The following GLT8D2 variants were observed in gnomAD, a reference collection of about 807,000 sequenced individuals.
The protein encoded by GLT8D2 is glycosyltransferase 8 domain-containing protein 2.
GLT8D2 carries 45 observed loss-of-function variants against 44.5 expected under a neutral mutation model. The observed-to-expected ratio is 1.01, with a 90% CI of 0.80 to 1.30. GLT8D2 has a LOEUF of 1.30. Among genes scored for constraint, GLT8D2 ranks in the 50% most tolerant of loss-of-function variants. The pLI is 0.00. For synonymous variants in GLT8D2, 156 were observed against 157.2 expected, an observed-to-expected ratio of 0.99 and a Z score of 0.06; for missense variants, 400 against 430.4, an observed-to-expected ratio of 0.93 and a Z score of 0.62.
intron 1 of GLT8D2, among the ~76,000 whole-genome samples, chr12:104,060,573 G>A (rs1882557543): frequency 6.6e-6 from 1 of 152,136 alleles, no homozygotes; most frequent in African/African-American, 2.4e-5. Context: ...ATATAATCAA[G>A]TTAAGATGAG....
rs1566202469 is a variant in GLT8D2, at chr12:104,021,938, AGAAGAAGAAGAAGAAGAGGAAGAAGAG to A, written c.-163-474_-163-448del. On this transcript the variant is annotated intron_variant, in intron 1 of 10. Coordinates refer to ENST00000360814, the MANE Select transcript of GLT8D2 (RefSeq NM_001384711.1). ...AAGAAGAAGAAGAAGAAGAAGAAGA[AGAAGAAGAAGAAGAAGAGGAAGAAGAG>A]GAAGAGGAAGAGGAAGAGGAAGAAG... Among the ~76,000 whole-genome samples, 10 of 30,828 alleles carry A rather than the reference AGAAGAAGAAGAAGAAGAGGAAGAAGAG, an allele frequency of 3.2e-4. 1 individual carries two copies. The highest frequency in any genetic ancestry group is 1.7e-3 in the Admixed American group (4 of 2,342). 20.2% of individuals were successfully genotyped at this position (30,828 alleles called of 152,430 possible). A position where few individuals can be genotyped will look rare whatever the true frequency, so the allele number is the denominator to read the frequency against.
At chr12:104,064,396 C>A, upstream of GLT8D2, 1 of 588,102 alleles carries the variant, frequency 1.7e-6, no homozygotes, top group Non-Finnish European at 2.6e-6. This position sits in a 1 kb window ranked among gnomAD's most constrained non-coding sequence, Gnocchi z 7.3. Flanking sequence ...GTCAGGACCC[C>A]CCTTCCCCAG....
chr12:103,990,764 C>T (rs1296123430), intron 10 of GLT8D2, among the ~76,000 whole-genome samples: 1 of 152,108 alleles, frequency 6.6e-6, no homozygotes, highest in Non-Finnish European at 1.5e-5. Flanking sequence ...AATTATCAAT[C>T]ATCAGAGTCT....
At chr12:104,001,215 C>A (rs897310678) in intron 5 of GLT8D2, among the ~76,000 whole-genome samples, 1 of 152,226 alleles carries the variant, frequency 6.6e-6, no homozygotes, top group Non-Finnish European at 1.5e-5. Context: ...TCTGCTTAGA[C>A]AGAGTGCCTT....
intron 1 of GLT8D2, among the ~76,000 whole-genome samples, chr12:104,037,056 A>C (rs1339139685): frequency 3.9e-5 from 6 of 152,236 alleles, no homozygotes; most frequent in Non-Finnish European, 7.3e-5. Context: ...CCTGCTCCTG[A>C]AGGACTACTG....
At chr12:104,064,340 G>C (rs1245687423), upstream of GLT8D2, 3 of 440,196 alleles carry the variant, frequency 6.8e-6, no homozygotes, top group Non-Finnish European at 8.0e-6. This position sits in a 1 kb window ranked among gnomAD's most constrained non-coding sequence, Gnocchi z 7.3. Context: ...GCGTTGCTCC[G>C]GGTGGCCGCT....
At chr12:104,042,262 C>T (rs1442153259) in intron 1 of GLT8D2, among the ~76,000 whole-genome samples, 1 of 152,202 alleles carries the variant, frequency 6.6e-6, no homozygotes, top group Admixed American at 6.5e-5. Context: ...TGTCAACTCC[C>T]CCTTCCTCCT....
chr12:104,057,539 T>C (rs556264700), intron 1 of GLT8D2, among the ~76,000 whole-genome samples: 1 of 152,094 alleles, frequency 6.6e-6, no homozygotes, highest in East Asian at 1.9e-4. Flanking sequence ...GCAAAACACA[T>C]TAATTCTCAA....
intron 1 of GLT8D2, among the ~76,000 whole-genome samples, chr12:104,040,987 C>T (rs897051303): frequency 1.3e-5 from 2 of 152,132 alleles, no homozygotes; most frequent in Admixed American, 6.6e-5. Flanking sequence ...TGCTAAGGGG[C>T]TGGGCACGGT....
intron 1 of GLT8D2, among the ~76,000 whole-genome samples, chr12:104,046,350 A>T (rs980811239): frequency 6.6e-5 from 10 of 152,248 alleles, no homozygotes; most frequent in Admixed American, 2.0e-4. Flanking sequence ...TTATCACAAC[A>T]ACTCCTTAAA....
chr12:104,044,707 A>G (rs1031114454), intron 1 of GLT8D2, among the ~76,000 whole-genome samples: 2 of 152,210 alleles, frequency 1.3e-5, no homozygotes, highest in Non-Finnish European at 2.9e-5. Flanking sequence ...TCAATCCATC[A>G]CTGGCCTAAC....
intron 6 of GLT8D2, among the ~76,000 whole-genome samples, chr12:103,998,467 T>C (rs1873781176): frequency 6.6e-6 from 1 of 151,922 alleles, no homozygotes; most frequent in Non-Finnish European, 1.5e-5. Context: ...TGGAGTGCAA[T>C]AGTGCAATCT....
At chr12:104,047,174 T>C (rs1241230015) in intron 1 of GLT8D2, among the ~76,000 whole-genome samples, 3 of 152,086 alleles carry the variant, frequency 2.0e-5, no homozygotes, top group Non-Finnish European at 4.4e-5. Context: ...CTTATAGTTC[T>C]GGAAGCTGAG....
At chr12:103,991,847 A>G (rs1872778016) in intron 10 of GLT8D2, among the ~76,000 whole-genome samples, 1 of 143,348 alleles carries the variant, frequency 7.0e-6, no homozygotes, top group African/African-American at 2.6e-5. Flanking sequence ...AAAAAAAAAG[A>G]TTATGGGACA....
At chr12:104,033,543 G>A (rs1035980203) in intron 1 of GLT8D2, among the ~76,000 whole-genome samples, 2 of 152,226 alleles carry the variant, frequency 1.3e-5, no homozygotes, top group South Asian at 4.1e-4. Flanking sequence ...CAAGCTTGCC[G>A]TTATAAGATG....
chr12:104,027,416 A>G (rs751137907), intron 1 of GLT8D2, among the ~76,000 whole-genome samples: 11 of 152,248 alleles, frequency 7.2e-5, no homozygotes, highest in Admixed American at 1.3e-4. Flanking sequence ...CAAAGACCAG[A>G]AGGAAGCTGA....
intron 3 of GLT8D2, among the ~76,000 whole-genome samples, chr12:104,015,777 A>C (rs1399996149): frequency 2.0e-5 from 3 of 151,524 alleles, no homozygotes; most frequent in Non-Finnish European, 2.9e-5. Flanking sequence ...TGAGGTGGGC[A>C]GATCACATGA....
intron 10 of GLT8D2, among the ~76,000 whole-genome samples, chr12:103,990,182 C>T (rs913818170): frequency 6.9e-6 from 1 of 144,516 alleles, no homozygotes. Context: ...AGGTTGTGTG[C>T]CTTTTCAATT....
At chr12:103,994,568 T>A in intron 8 of GLT8D2, 67 bp from the exon 9 acceptor site, 4 of 1,442,670 alleles carry the variant, frequency 2.8e-6, no homozygotes, top group Non-Finnish European at 3.8e-6. Context: ...ATGATCATTT[T>A]CTTGAAACCC....
Sources: allele counts gnomAD v4.1 joint callset (sites outside exome capture counted in the v4.1 genomes callset), GRCh38; gene constraint gnomAD v4.1.1; non-coding constraint Gnocchi (gnomAD v3.1); transcripts MANE v1.5; gene names NCBI Gene and HGNC (gene_info 2026-07-23, HGNC 2026-07-21).